Variants in CAMTA1 observed in about 807,000 individuals in gnomAD.
CAMTA1 encodes calmodulin-binding transcription activator 1.
Under a neutral mutation model 170.9 loss-of-function variants are expected in CAMTA1, and 27 were observed. The ratio of observed to expected loss-of-function variants is 0.16; its 90% confidence interval spans 0.12 to 0.22. CAMTA1 has a LOEUF of 0.22. Ranked by LOEUF, CAMTA1 falls within the 10% of genes least tolerant of loss-of-function variation. The pLI is 1.00. For synonymous variants in CAMTA1, 833 were observed against 891.5 expected (o/e 0.93, Z 1.17); for missense variants, 1,619 against 2,217.2 (o/e 0.73, Z 5.42).
At chr1:7,148,103 C>A (rs1456222163) in intron 4 of CAMTA1, among the ~76,000 whole-genome samples, 1 of 151,362 alleles carries the variant, frequency 6.6e-6, no homozygotes, top group Admixed American at 6.6e-5. Flanking sequence ...CAAACATACA[C>A]CACACACACG....
chr1:7,622,074 T>C (rs747502868), intron 6 of CAMTA1, among the ~76,000 whole-genome samples: 7 of 152,236 alleles, frequency 4.6e-5, no homozygotes, highest in Non-Finnish European at 8.8e-5. Context: ...TTGTTCTTTC[T>C]GTTCATGACC....
chr1:7,172,994 A>G lies in CAMTA1; in HGVS notation c.303-76497A>G, dbSNP rs182136218. Reference sequence around the variant, plus strand: ...ATCCCTTCCTGGTGCCTCGGGGAGGATGGGCTGGCTGTGTCCATCCATCCC... The same window carrying G: ...ATCCCTTCCTGGTGCCTCGGGGAGGGTGGGCTGGCTGTGTCCATCCATCCC... On this transcript the variant is annotated intron_variant, in intron 4 of 22. Coordinates refer to ENST00000303635, the MANE Select transcript of CAMTA1 (RefSeq NM_015215.4). Among the ~76,000 whole-genome samples the G allele has an allele frequency of 2.6e-5, 4 of 152,248 alleles. No individual in the cohort carries two copies. In the East Asian group the frequency reaches 7.8e-4, roughly 30 times the overall value.
At chr1:6,991,627 A>G (rs760961017) in intron 3 of CAMTA1, among the ~76,000 whole-genome samples, 10 of 152,190 alleles carry the variant, frequency 6.6e-5, no homozygotes, top group African/African-American at 1.2e-4. Flanking sequence ...TTTGTTAGCT[A>G]TATGTTTCAC....
At chr1:7,553,466 A>T (rs574338497) in intron 6 of CAMTA1, among the ~76,000 whole-genome samples, 1 of 152,336 alleles carries the variant, frequency 6.6e-6, no homozygotes, top group South Asian at 2.1e-4. Context: ...CCCATCCCAC[A>T]GGGCTCCCCT....
chr1:7,694,639 T>A (rs1386517824), intron 11 of CAMTA1: 1 of 152,590 alleles, frequency 6.6e-6, no homozygotes, highest in Non-Finnish European at 1.5e-5. Context: ...AATGGCTCCA[T>A]TTGCTGTGCG....
At chr1:7,332,977 C>T (rs2083126850) in intron 5 of CAMTA1, among the ~76,000 whole-genome samples, 2 of 152,190 alleles carry the variant, frequency 1.3e-5, no homozygotes, top group Non-Finnish European at 2.9e-5. Flanking sequence ...TGGACTGTCA[C>T]ACTATGGAGA....
At position 7,225,224 on chromosome 1, in the gene CAMTA1, A is replaced by G. The variant is rs369484078; in HGVS notation, c.303-24267A>G. 2.1e-3 allele frequency among the ~76,000 whole-genome samples: 314 copies of G among 152,164 alleles called. 8 individuals are homozygous for G. In the South Asian group the frequency reaches 0.062, roughly 30 times the overall value. On this transcript the variant is annotated intron_variant, in intron 4 of 22. Transcript: ENST00000303635. ...CTCAGCCTCCCGAGTAGCTGGGACT[A>G]CAGGCGCCCACCACCATGCCCAGCT...
intron 11 of CAMTA1, among the ~76,000 whole-genome samples, chr1:7,684,998 G>A (rs564102681): frequency 1.8e-4 from 27 of 152,240 alleles, no homozygotes; most frequent in African/African-American, 6.3e-4. Context: ...GGGACTCCGC[G>A]GTGTCGGGGA....
At chr1:7,622,897 G>A (rs1316828702) in intron 6 of CAMTA1, among the ~76,000 whole-genome samples, 1 of 152,212 alleles carries the variant, frequency 6.6e-6, no homozygotes, top group Non-Finnish European at 1.5e-5. Flanking sequence ...GTGCTTTCTT[G>A]TTTCACGGCT....
At chr1:6,936,681 C>G (rs1331018954) in intron 3 of CAMTA1, among the ~76,000 whole-genome samples, 1 of 152,096 alleles carries the variant, frequency 6.6e-6, no homozygotes, top group Non-Finnish European at 1.5e-5. Context: ...ATGTATTGAC[C>G]AGAAGTTACT....
chr1:7,230,061 A>G (rs1197209872), intron 4 of CAMTA1, among the ~76,000 whole-genome samples: 1 of 152,040 alleles, frequency 6.6e-6, no homozygotes, highest in Non-Finnish European at 1.5e-5. Flanking sequence ...GGGCTGAGGT[A>G]TGTGGGCCTG....
intron 6 of CAMTA1, among the ~76,000 whole-genome samples, chr1:7,515,320 A>G (rs2094268423): frequency 6.6e-6 from 1 of 152,220 alleles, no homozygotes; most frequent in South Asian, 2.1e-4. Context: ...GACATCAGGA[A>G]GAAAGAGGCC....
At position 7,738,093 on chromosome 1, in the gene CAMTA1, C is replaced by G; in HGVS notation, c.3793C>G (p.Leu1265Val). Residue 1265 changes from leucine (L) to valine (V), a missense_variant, in exon 16 of 23, where the codon CTG becomes GTG. Leu to Val is a conservative substitution (Grantham distance 32, BLOSUM62 1). Transcript: ENST00000303635. The surrounding 1 kb of genome is among the most constrained non-coding windows in gnomAD (Gnocchi z 4.9). Reference sequence around the variant, plus strand: ...GCAGGAGAAGCTGCTTCCCACTGCACTGAGTCTGGAAGAGCCAAATATCAG... The same window carrying G: ...GCAGGAGAAGCTGCTTCCCACTGCAGTGAGTCTGGAAGAGCCAAATATCAG... Reference protein sequence around the residue: ...TRQEKLLPTALSLEEPNIRKQ... With the variant: ...TRQEKLLPTAVSLEEPNIRKQ... 2 of 1,614,174 alleles carry G rather than the reference C, an allele frequency of 1.2e-6. No homozygotes were observed. Among genetic ancestry groups the G allele is most frequent in the Non-Finnish European group, 1.7e-6 (2 of 1,180,046 alleles).
chr1:7,567,016 TC>T (rs2095051524), intron 6 of CAMTA1, among the ~76,000 whole-genome samples: 1 of 152,106 alleles, frequency 6.6e-6, no homozygotes, highest in South Asian at 2.1e-4. Context: ...TGGGTCAGGG[TC>T]TGGGATGGAG....
At chr1:6,919,915 G>A (rs1365073603) in intron 3 of CAMTA1, among the ~76,000 whole-genome samples, 1 of 151,842 alleles carries the variant, frequency 6.6e-6, no homozygotes, top group Admixed American at 6.6e-5. Flanking sequence ...CATAACACGT[G>A]GGAATTATGG....
At chr1:7,397,086 T>C (rs563524444) in intron 5 of CAMTA1, among the ~76,000 whole-genome samples, 1 of 152,346 alleles carries the variant, frequency 6.6e-6, no homozygotes, top group South Asian at 2.1e-4. Flanking sequence ...GTTATTTAAA[T>C]ATTTGGTAGA....
intron 1 of CAMTA1, among the ~76,000 whole-genome samples, chr1:6,794,234 T>C (rs1176291510): frequency 6.6e-6 from 1 of 152,196 alleles, no homozygotes; most frequent in Non-Finnish European, 1.5e-5. Context: ...TAAAAAGTAA[T>C]TGAAATAACC....
rs535878234 is a variant in CAMTA1 at position 7,587,726 on chromosome 1, C to T, written c.511-52674C>T. Among the ~76,000 whole-genome samples the T allele has an allele frequency of 5.7e-3, 874 of 152,132 alleles. 6 individuals carry two copies. Among genetic ancestry groups the T allele is most frequent in the Non-Finnish European group, 7.8e-3 (533 of 68,020 alleles). ...TTGCAGACACCTGGGCTCCCCCGAG[C>T]GCCCAGCTTCTGCAGGAACCTCTCC... On this transcript the variant is annotated intron_variant, in intron 6 of 22. Transcript: ENST00000303635.
intron 5 of CAMTA1, among the ~76,000 whole-genome samples, chr1:7,332,840 C>A (rs2083118033): frequency 6.6e-6 from 1 of 152,182 alleles, no homozygotes; most frequent in African/African-American, 2.4e-5. Flanking sequence ...CACACACACA[C>A]ACAATACCCA....
Sources: gnomAD v4.1 joint callset for allele counts (sites outside exome capture counted in the v4.1 genomes callset) on GRCh38, gnomAD v4.1.1 for gene constraint, Gnocchi (gnomAD v3.1) non-coding constraint, MANE v1.5 for transcripts, NCBI Gene and HGNC (gene_info 2026-07-23, HGNC 2026-07-21) for gene names.